UGT1A5: variants seen among roughly 807,000 people sequenced by gnomAD.
UGT1A5 encodes the protein UDP-glucuronosyltransferase 1A5.
Under a neutral mutation model 40.3 loss-of-function variants are expected in UGT1A5, and 29 were observed. The ratio of observed to expected loss-of-function variants is 0.72; its 90% confidence interval spans 0.54 to 0.98. The LOEUF is 0.98. UGT1A5 is among the 50% of genes least tolerant of loss of function. UGT1A5 has a pLI of 0.00. For missense variants in UGT1A5, 678 were observed against 677.9 expected (o/e 1.00, Z 0.00); for synonymous variants, 257 against 262.5 (o/e 0.98, Z 0.20).
intron 1 of UGT1A5, among the ~76,000 whole-genome samples, chr2:233,751,775 T>C (rs1694807699): frequency 1.3e-5 from 2 of 152,228 alleles, no homozygotes; most frequent in Non-Finnish European, 2.9e-5. Context: ...ATGACTTTGC[T>C]TATCTCTCAC....
Position 233,768,272 on chromosome 2 carries a change from T to C in UGT1A5, c.1140T>C (p.Tyr380=). Residue 380 remains tyrosine, a synonymous_variant, in exon 4 of 5, where the codon TAT becomes TAC. Transcript: ENST00000373414. ...FITHAGSHGV[Y]ESICNGVPMV... ...CCCATGCTGGTTCCCATGGTGTTTATGAAAGCATATGCAATGGCGTTCCCA... is the reference window on the plus strand; with the variant it reads ...CCCATGCTGGTTCCCATGGTGTTTACGAAAGCATATGCAATGGCGTTCCCA... 1 of 1,614,214 alleles carries C rather than the reference T, an allele frequency of 6.2e-7. No homozygotes were observed. The highest frequency in any genetic ancestry group is 2.2e-5 in the East Asian group (1 of 44,870).
chr2:233,747,319 AT>A, intron 1 of UGT1A5: 1 of 1,603,764 alleles, frequency 6.2e-7, no homozygotes, highest in Non-Finnish European at 8.5e-7. Flanking sequence ...GGTGGTACCC[AT>A]TGATGGCAGC....
At chr2:233,731,004 T>C (rs2078096458) in intron 1 of UGT1A5, among the ~76,000 whole-genome samples, 1 of 152,244 alleles carries the variant, frequency 6.6e-6, no homozygotes, top group South Asian at 2.1e-4. Flanking sequence ...CTGTGCCATG[T>C]ACATCGTGAG....
chr2:233,713,434 T>A lies in UGT1A5; in HGVS notation c.443T>A (p.Val148Glu). ...IRHLHATSFD[V>E]VLTDPFHLCA... is the part of the protein sequence containing the mutation. ...CACCTGCATGCTACTTCCTTTGATG[T>A]GGTTCTAACAGACCCCTTTCACCTC... Residue 148 changes from valine (V) to glutamate (E), a missense_variant, in exon 1 of 5, where the codon GTG becomes GAG. Coordinates refer to ENST00000373414, the MANE Select transcript of UGT1A5 (RefSeq NM_019078.2). 4 of 1,614,196 alleles carry A rather than the reference T, an allele frequency of 2.5e-6. No homozygotes were observed. The highest frequency in any genetic ancestry group is 3.4e-6 in the Non-Finnish European group (4 of 1,180,026).
chr2:233,743,661 G>T, intron 1 of UGT1A5: 1 of 1,367,236 alleles, frequency 7.3e-7, no homozygotes, highest in Non-Finnish European at 9.8e-7. Flanking sequence ...TACTCGAAGG[G>T]GTCCTCGAAG....
At chr2:233,736,231 C>G (rs570595506) in intron 1 of UGT1A5, among the ~76,000 whole-genome samples, 1 of 152,102 alleles carries the variant, frequency 6.6e-6, no homozygotes, top group African/African-American at 2.4e-5. Flanking sequence ...TTTTCTCTAA[C>G]CTTGTCTTCT....
At chr2:233,716,805 C>T (rs889271295) in intron 1 of UGT1A5, among the ~76,000 whole-genome samples, 2 of 152,120 alleles carry the variant, frequency 1.3e-5, no homozygotes, top group Non-Finnish European at 2.9e-5. Context: ...TGTCTCTGGA[C>T]GTTGCTGGGG....
intron 1 of UGT1A5, chr2:233,754,387 G>A: frequency 3.3e-6 from 1 of 304,284 alleles, no homozygotes; most frequent in East Asian, 8.4e-5. Flanking sequence ...ACAAACAGAG[G>A]TCCTATCCGT....
intron 1 of UGT1A5, chr2:233,741,740 C>G (rs1158976781): frequency 1.3e-5 from 2 of 151,864 alleles, no homozygotes; most frequent in Admixed American, 6.6e-5. Flanking sequence ...CCATATCACA[C>G]TCTTTGTTGG....
intron 1 of UGT1A5, chr2:233,743,704 C>T (rs773531190): frequency 8.8e-6 from 12 of 1,367,244 alleles, no homozygotes; most frequent in East Asian, 4.5e-5. Flanking sequence ...CCTCCGCCCC[C>T]GCCTCGCCAT....
At chr2:233,746,132 G>C (rs998349575) in intron 1 of UGT1A5, among the ~76,000 whole-genome samples, 5 of 151,792 alleles carry the variant, frequency 3.3e-5, no homozygotes, top group African/African-American at 1.2e-4. Context: ...CTGTGGACTG[G>C]CACCTGAGTG....
Position 233,755,093 on chromosome 2 carries a change from C to G in UGT1A5, c.868-11941C>G, listed in dbSNP as rs566230339. On this transcript the variant is annotated intron_variant, in intron 1 of 4. Transcript: ENST00000373414. ...AGCGGTCATAGATATCGCGTTTCTA[C>G]GCGTCCGACAACACCTCGTAGGCCT... The G allele has an allele frequency of 5.8e-4, 775 of 1,335,150 alleles. 7 individuals carry two copies. Among genetic ancestry groups the G allele is most frequent in the Non-Finnish European group, 7.2e-4 (713 of 992,692 alleles). The allele number at this position is 1,335,150 out of a possible 1,614,324, so 82.7% of individuals were successfully genotyped here. A position where few individuals can be genotyped will look rare whatever the true frequency, so the allele number is the denominator to read the frequency against.
intron 1 of UGT1A5, among the ~76,000 whole-genome samples, chr2:233,732,390 C>G (rs1458473666): frequency 6.6e-6 from 1 of 152,216 alleles, no homozygotes; most frequent in Admixed American, 6.5e-5. Flanking sequence ...TAGGCCATGC[C>G]TATGCCTAAA....
Position 233,713,117 on chromosome 2 carries a change from C to G in UGT1A5, c.126C>G (p.Leu42=). ...TGCCCACTGATGGCAGCCACTGGCT[C>G]AGCATGCGGGAGGCCTTGCGGGACC... ...LVVPTDGSHW[L]SMREALRDLH... is the part of the protein sequence containing the mutation. The change falls in exon 1 of 5, where the codon CTC becomes CTG. Residue 42 remains leucine (L), a synonymous_variant. Coordinates refer to ENST00000373414, the MANE Select transcript of UGT1A5 (RefSeq NM_019078.2). 2 of 1,614,220 alleles carry G rather than the reference C, an allele frequency of 1.2e-6. No homozygotes were observed. Among genetic ancestry groups the G allele is most frequent in the South Asian group, 1.1e-5 (1 of 91,084 alleles).
At chr2:233,757,812 T>G (rs772268398) in intron 1 of UGT1A5, among the ~76,000 whole-genome samples, 1 of 151,794 alleles carries the variant, frequency 6.6e-6, no homozygotes, top group Non-Finnish European at 1.5e-5. Flanking sequence ...TGAAAGGAGC[T>G]GGTAGTGTGT....
intron 1 of UGT1A5, among the ~76,000 whole-genome samples, chr2:233,742,157 G>GAC (rs1409111840): frequency 6.6e-6 from 1 of 151,878 alleles, no homozygotes; most frequent in Non-Finnish European, 1.5e-5. Context: ...ACGAATTAAA[G>GAC]ACACACACAC....
chr2:233,742,647 G>A (rs1292075508), intron 1 of UGT1A5: 1 of 152,020 alleles, frequency 6.6e-6, no homozygotes, highest in African/African-American at 2.4e-5. Context: ...GTATACCACC[G>A]ACCAACCATG....
intron 1 of UGT1A5, among the ~76,000 whole-genome samples, chr2:233,763,422 G>A (rs983086025): frequency 2.0e-4 from 31 of 152,076 alleles, no homozygotes; most frequent in Non-Finnish European, 4.1e-4. Context: ...ATCCAGTCAG[G>A]CAGTTGCTTT....
At chr2:233,758,253 TAGTA>T (rs1415898131) in intron 1 of UGT1A5, among the ~76,000 whole-genome samples, 2 of 152,180 alleles carry the variant, frequency 1.3e-5, no homozygotes, top group African/African-American at 2.4e-5. Context: ...CTATTCAGAT[TAGTA>T]AGTATTTCTT....
Sources: gnomAD v4.1 joint callset for allele counts (sites outside exome capture counted in the v4.1 genomes callset) on GRCh38, gnomAD v4.1.1 for gene constraint, MANE v1.5 for transcripts, NCBI Gene and HGNC (gene_info 2026-07-23, HGNC 2026-07-21) for gene names.